Variants in BMP8A observed in about 807,000 individuals in gnomAD.
BMP8A encodes the protein bone morphogenetic protein 8a.
A neutral mutation model predicts 36.8 loss-of-function variants in BMP8A; 14 were observed. The observed-to-expected ratio is 0.38, with a 90% confidence interval of 0.25 to 0.60. The LOEUF (loss-of-function observed/expected upper bound fraction) is 0.60. Among genes scored for constraint, BMP8A ranks in the 20% least tolerant of loss-of-function variants. The pLI is 0.63. For missense variants in BMP8A, 267 were observed against 551.1 expected (o/e 0.48, Z 5.16); for synonymous variants, 120 against 237.7 (o/e 0.50, Z 4.55).
intron 1 of BMP8A, among the ~76,000 whole-genome samples, chr1:39,506,929 T>C (rs1006305211): frequency 2.0e-5 from 3 of 152,224 alleles, no homozygotes; most frequent in Admixed American, 2.0e-4. Context: ...TTCCTGGCTG[T>C]GACCAGGAAA....
At chr1:39,522,850 T>C (rs1331613520) in intron 5 of BMP8A, among the ~76,000 whole-genome samples, 157 bp from the exon 6 acceptor site, 1 of 150,630 alleles carries the variant, frequency 6.6e-6, no homozygotes, top group East Asian at 2.0e-4. Context: ...TGGGGGTTGT[T>C]GGGCCTGAGC....
Position 39,515,802 on chromosome 1 carries a change from A to G in BMP8A, c.673+3898A>G, listed in dbSNP as rs1206492472. 3.1e-6 allele frequency: 5 copies of G among 1,591,052 alleles called. No homozygotes were observed. The African/African-American group carries it at 5.3e-5, about 17-fold the overall frequency. On this transcript the variant is annotated intron_variant, in intron 3 of 6. Coordinates refer to ENST00000331593, the MANE Select transcript of BMP8A (RefSeq NM_181809.4). ...CGCTTAACGATCCGGAAAGAGGAAGATGGAGACGCTGGAAAGGAAGAGGAC... is the reference window on the plus strand; with the variant it reads ...CGCTTAACGATCCGGAAAGAGGAAGGTGGAGACGCTGGAAAGGAAGAGGAC...
intron 3 of BMP8A, among the ~76,000 whole-genome samples, chr1:39,514,563 G>T (rs1243904570): frequency 4.0e-5 from 6 of 151,168 alleles, no homozygotes; most frequent in Admixed American, 2.0e-4. Flanking sequence ...GTGTCACCCA[G>T]CGGCGCCTGC....
At chr1:39,523,172 G>A in intron 6 of BMP8A, 55 bp downstream of exon 6, 1 of 1,593,854 alleles carries the variant, frequency 6.3e-7, no homozygotes, top group South Asian at 1.1e-5. Flanking sequence ...CCTGCAGAGA[G>A]GGGTCTGGTC....
In BMP8A at chr1:39,513,110, A is replaced by G. The variant is rs1570302855; in HGVS notation, c.673+1206A>G. On this transcript the variant is annotated intron_variant, in intron 3 of 6. Coordinates refer to ENST00000331593, the MANE Select transcript of BMP8A (RefSeq NM_181809.4). ...CTAGTGTAAAATATTAGCATTTCCC[A>G]GAGGAAACTGGGTCCAGGTGTATGG... Among the ~76,000 whole-genome samples, 8 of 90,070 alleles carry G rather than the reference A, an allele frequency of 8.9e-5. No homozygotes were observed. The East Asian group carries it at 3.0e-3, about 34-fold the overall frequency. The allele number at this position is 90,070 out of a possible 152,430, so 59.1% of individuals were successfully genotyped here.
chr1:39,496,551 G>T (rs1163180822), intron 1 of BMP8A, among the ~76,000 whole-genome samples: 1 of 152,154 alleles, frequency 6.6e-6, no homozygotes, highest in Non-Finnish European at 1.5e-5. Context: ...GGACTGTTCT[G>T]GGCTTGTGTG....
At chr1:39,504,901 G>T (rs1471366135) in intron 1 of BMP8A, among the ~76,000 whole-genome samples, 1 of 151,720 alleles carries the variant, frequency 6.6e-6, no homozygotes, top group African/African-American at 2.4e-5. Flanking sequence ...AAGGAAAGTT[G>T]CCGTGCCTCG....
rs1169240234 is a variant in BMP8A at position 39,524,335 on chromosome 1, C to T, written c.1059+1218C>T. Among the ~76,000 whole-genome samples the T allele has an allele frequency of 6.6e-6, 1 of 152,160 alleles. No individual in the cohort carries two copies. The highest frequency in any genetic ancestry group is 1.9e-4 in the East Asian group (1 of 5,178). ...TGCTCACAGCCTACAGGGCAGCAAA[C>T]AGGCACTGTGCTCTAGGGGAGGCTG... is the stretch of plus-strand genomic sequence containing the variant. On this transcript the variant is annotated intron_variant, in intron 6 of 6. Coordinates refer to ENST00000331593, the MANE Select transcript of BMP8A (RefSeq NM_181809.4). This position sits in a 1 kb window ranked among gnomAD's most constrained non-coding sequence, Gnocchi z 4.0.
intron 1 of BMP8A, among the ~76,000 whole-genome samples, chr1:39,509,973 G>T (rs577996412): frequency 2.9e-4 from 44 of 151,992 alleles, no homozygotes; most frequent in Admixed American, 3.3e-4. Context: ...GCTTTATTCC[G>T]CAACTACAGC....
chr1:39,507,263 G>A (rs912809655), intron 1 of BMP8A, among the ~76,000 whole-genome samples: 1 of 152,154 alleles, frequency 6.6e-6, no homozygotes, highest in Admixed American at 6.5e-5. Context: ...GGGAGCCCTG[G>A]AATTAACTTC....
intron 1 of BMP8A, among the ~76,000 whole-genome samples, chr1:39,503,170 A>G (rs12061015): frequency 2.7e-3 from 413 of 152,344 alleles, no homozygotes; most frequent in African/African-American, 9.5e-3. Context: ...AGCCTGGACA[A>G]GATGGCAAGA....
intron 1 of BMP8A, among the ~76,000 whole-genome samples, chr1:39,492,839 G>A (rs1297318888): frequency 6.6e-6 from 1 of 152,188 alleles, no homozygotes; most frequent in Non-Finnish European, 1.5e-5. Context: ...CAGGGGAGCG[G>A]CTGGGGAAGG....
Position 39,526,872 on chromosome 1 carries a change from T to C in BMP8A, c.*1074T>C, listed in dbSNP as rs1259996151. ...CAAATGCCCCCGCAGCCTGCTCCCCTTGCCCATGGCTCATGTCAGTAATCA... is the reference window on the plus strand; with the variant it reads ...CAAATGCCCCCGCAGCCTGCTCCCCCTGCCCATGGCTCATGTCAGTAATCA... On this transcript the variant is annotated 3_prime_UTR_variant, in exon 7 of 7. Coordinates refer to ENST00000331593, the MANE Select transcript of BMP8A (RefSeq NM_181809.4). Among the ~76,000 whole-genome samples the C allele has an allele frequency of 6.6e-6, 1 of 152,214 alleles. No individual in the cohort carries two copies. The highest frequency in any genetic ancestry group is 2.4e-5 in the African/African-American group (1 of 41,462).
Position 39,492,288 on chromosome 1 carries a change from G to C in BMP8A, c.297G>C (p.Leu99=), listed in dbSNP as rs1449210405. Reference sequence around the variant, plus strand: ...ACGGCGCGCCCGCGGAGCAGCGCCTGGGCCGCGCCGACCTGGTCATGAGCT... The same window carrying C: ...ACGGCGCGCCCGCGGAGCAGCGCCTCGGCCGCGCCGACCTGGTCATGAGCT... The part of the protein sequence containing the change: ...DEDGAPAEQR[L]GRADLVMSFV... The change falls in exon 1 of 7, where the codon CTG becomes CTC. Residue 99 remains leucine, a synonymous_variant. Coordinates refer to ENST00000331593, the MANE Select transcript of BMP8A (RefSeq NM_181809.4). 6 of 1,564,894 alleles carry C rather than the reference G, an allele frequency of 3.8e-6. No individual in the cohort carries two copies. In the African/African-American group the frequency reaches 4.3e-5, roughly 11 times the overall value.
Position 39,529,788 on chromosome 1 carries a change from A to G in BMP8A, c.*3990A>G, listed in dbSNP as rs1645517524. 1.3e-5 allele frequency among the ~76,000 whole-genome samples: 2 copies of G among 152,204 alleles called. No homozygotes were observed. Among genetic ancestry groups the G allele is most frequent in the South Asian group, 2.1e-4 (1 of 4,834 alleles). On this transcript the variant is annotated 3_prime_UTR_variant, in exon 7 of 7. Coordinates refer to ENST00000331593, the MANE Select transcript of BMP8A (RefSeq NM_181809.4). ...TTTTACAAAGTTAGGATCCTACTCT[A>G]TGCACTGCTTGGTGATCGGATCTAT... is the stretch of plus-strand genomic sequence containing the variant.
rs1456865953 is a variant in BMP8A at position 39,523,649 on chromosome 1, TG to T, written c.1059+533del. On this transcript the variant is annotated intron_variant, in intron 6 of 6. Coordinates refer to ENST00000331593, the MANE Select transcript of BMP8A (RefSeq NM_181809.4). ...CCGCAGTTTCTCTCTTGGCTGTCTG[TG>T]TTTTCTCTGGATCCCCTGGCTTTTG... is the stretch of plus-strand genomic sequence containing the variant. 50 of 1,453,610 alleles carry T rather than the reference TG, an allele frequency of 3.4e-5. No individual in the cohort carries two copies. The Admixed American group carries it at 3.6e-4, about 10-fold the overall frequency. 90.0% of individuals were successfully genotyped at this position (1,453,610 alleles called of 1,614,324 possible). A position where few individuals can be genotyped will look rare whatever the true frequency, so the allele number is the denominator to read the frequency against.
At position 39,527,166 on chromosome 1, in the gene BMP8A, T is replaced by C. The variant is rs1439308475; in HGVS notation, c.*1368T>C. 1.3e-5 allele frequency among the ~76,000 whole-genome samples: 2 copies of C among 152,090 alleles called. No homozygotes were observed. ...TCACCCTGGGTGCCCACCAGCGCTG[T>C]CCTGTGTCTTGGGTCTGTGAGTCAA... On this transcript the variant is annotated 3_prime_UTR_variant, in exon 7 of 7. Coordinates refer to ENST00000331593, the MANE Select transcript of BMP8A (RefSeq NM_181809.4).
intron 1 of BMP8A, among the ~76,000 whole-genome samples, chr1:39,494,802 A>T (rs1645191176): frequency 1.3e-5 from 2 of 152,166 alleles, no homozygotes; most frequent in African/African-American, 2.4e-5. Flanking sequence ...GTGGATTCCA[A>T]ATCCCAGCTT....
At chr1:39,522,678 T>G (rs567226371) in intron 5 of BMP8A, among the ~76,000 whole-genome samples, 196 bp downstream of exon 5, 1 of 152,230 alleles carries the variant, frequency 6.6e-6, no homozygotes, top group Admixed American at 6.5e-5. Context: ...TTGTTTTTTT[T>G]AAAACCATGA....
Sources: gnomAD v4.1 joint callset for allele counts (sites outside exome capture counted in the v4.1 genomes callset) on GRCh38, gnomAD v4.1.1 for gene constraint, Gnocchi (gnomAD v3.1) non-coding constraint, MANE v1.5 for transcripts, NCBI Gene and HGNC (gene_info 2026-07-23, HGNC 2026-07-21) for gene names.